POU6F2: variants seen among roughly 807,000 people sequenced by gnomAD.
The protein encoded by POU6F2 is POU domain, class 6, transcription factor 2.
POU6F2 carries 31 observed loss-of-function variants against 71.3 expected under a neutral mutation model. The ratio of observed to expected loss-of-function variants is 0.43; its 90% CI spans 0.33 to 0.59. The LOEUF is 0.59. Ranked by LOEUF, POU6F2 falls within the 20% of genes least tolerant of loss-of-function variation. The pLI is 0.04. For synonymous variants in POU6F2, 347 were observed against 355.7 expected (o/e 0.98, Z 0.27); for missense variants, 783 against 856.8 (o/e 0.91, Z 1.07).
At chr7:39,066,630 T>A (rs76828386) in intron 1 of POU6F2, among the ~76,000 whole-genome samples, 5,157 of 151,404 alleles carry the variant, frequency 0.034, 131 homozygotes, top group Middle Eastern at 0.073. Context: ...AATGACAACA[T>A]CTTCCTGATA....
intron 5 of POU6F2, among the ~76,000 whole-genome samples, chr7:39,349,239 A>G (rs915445148): frequency 1.3e-5 from 2 of 152,240 alleles, no homozygotes; most frequent in African/African-American, 4.8e-5. Context: ...AAATCACTTC[A>G]TAAAATACCT....
chr7:39,030,537 T>TA (rs1789916485), intron 1 of POU6F2, among the ~76,000 whole-genome samples: 1 of 128,530 alleles, frequency 7.8e-6, no homozygotes, highest in African/African-American at 2.9e-5. Context: ...TATATATATA[T>TA]ATATATACAC....
intron 2 of POU6F2, among the ~76,000 whole-genome samples, chr7:39,147,039 G>A (rs1281861624): frequency 6.6e-6 from 1 of 152,048 alleles, no homozygotes; most frequent in Non-Finnish European, 1.5e-5. Context: ...ATGTGAATTT[G>A]CATATACACA....
At chr7:39,275,202 G>A (rs1784413724) in intron 4 of POU6F2, among the ~76,000 whole-genome samples, 1 of 152,162 alleles carries the variant, frequency 6.6e-6, no homozygotes, top group African/African-American at 2.4e-5. Flanking sequence ...CTTCAGCAAA[G>A]TCTCAGGATA....
chr7:39,065,090 T>C (rs1410690368), intron 1 of POU6F2, among the ~76,000 whole-genome samples: 1 of 151,822 alleles, frequency 6.6e-6, no homozygotes, highest in Non-Finnish European at 1.5e-5. Context: ...GGCTCCCTTA[T>C]AAACATAGAA....
At chr7:39,145,991 C>G (rs1792614570) in intron 2 of POU6F2, among the ~76,000 whole-genome samples, 1 of 152,266 alleles carries the variant, frequency 6.6e-6, no homozygotes, top group East Asian at 1.9e-4. Context: ...CTATTGAGTG[C>G]CTGCTATGTG....
chr7:39,302,663 T>C (rs1463335757), intron 4 of POU6F2, among the ~76,000 whole-genome samples: 2 of 152,152 alleles, frequency 1.3e-5, no homozygotes, highest in Non-Finnish European at 2.9e-5. Flanking sequence ...AAAGAAACAA[T>C]CAATGAGAGC....
chr7:39,422,603 G>A (rs1159750233), intron 6 of POU6F2, among the ~76,000 whole-genome samples: 1 of 152,214 alleles, frequency 6.6e-6, no homozygotes, highest in African/African-American at 2.4e-5. Flanking sequence ...CCTTGTGATG[G>A]ACTAAAGATG....
At chr7:39,286,939 CTTTT>C (rs57938154) in intron 4 of POU6F2, among the ~76,000 whole-genome samples, 117 of 146,548 alleles carry the variant, frequency 8.0e-4, no homozygotes, top group Middle Eastern at 3.6e-3. Flanking sequence ...TTTGAGGTAT[CTTTT>C]TTTTTTTTTT....
At chr7:39,273,544 A>G (rs1784377055) in intron 4 of POU6F2, among the ~76,000 whole-genome samples, 2 of 152,218 alleles carry the variant, frequency 1.3e-5, no homozygotes, top group Non-Finnish European at 2.9e-5. Flanking sequence ...AAGACTGGGA[A>G]ACTATCACAG....
chr7:39,210,701 CT>C (rs2128746553), intron 4 of POU6F2, among the ~76,000 whole-genome samples: 1 of 152,260 alleles, frequency 6.6e-6, no homozygotes, highest in East Asian at 1.9e-4. Context: ...TCAATGTCTC[CT>C]GGGAGCTTGC....
At chr7:39,233,817 C>G (rs140876343) in intron 4 of POU6F2, among the ~76,000 whole-genome samples, 2 of 152,128 alleles carry the variant, frequency 1.3e-5, no homozygotes, top group African/African-American at 2.4e-5. Flanking sequence ...GTGTAAAACC[C>G]GGTCACTTTA....
At chr7:39,299,319 A>G (rs1227959579) in intron 4 of POU6F2, among the ~76,000 whole-genome samples, 3 of 152,200 alleles carry the variant, frequency 2.0e-5, no homozygotes, top group African/African-American at 7.2e-5. Context: ...TTGAATAACC[A>G]GACAGTCTTA....
chr7:39,326,554 A>C (rs139382624), intron 4 of POU6F2, among the ~76,000 whole-genome samples: 1 of 152,250 alleles, frequency 6.6e-6, no homozygotes, highest in African/African-American at 2.4e-5. Context: ...TGTAGAATCT[A>C]TCCACCAGAA....
At chr7:39,236,138 A>G (rs1292782165) in intron 4 of POU6F2, among the ~76,000 whole-genome samples, 2 of 152,196 alleles carry the variant, frequency 1.3e-5, no homozygotes, top group Admixed American at 1.3e-4. Flanking sequence ...GAGGACTCAA[A>G]GGTAAGACTC....
At chr7:39,129,583 A>AT (rs1199815992) in intron 2 of POU6F2, among the ~76,000 whole-genome samples, 1 of 151,538 alleles carries the variant, frequency 6.6e-6, no homozygotes, top group Non-Finnish European at 1.5e-5. Context: ...ACTGGTAACA[A>AT]TTTTTTTTCA....
Position 39,464,759 on chromosome 7 carries a change from A to C in POU6F2, c.*73A>C. On this transcript the variant is annotated 3_prime_UTR_variant, in exon 10 of 10. Transcript: ENST00000518318. This position sits in a 1 kb window ranked among gnomAD's most constrained non-coding sequence, Gnocchi z 4.1. ...CCACCCTTGGGACTCCACAACAACA[A>C]CAACAACAAAATTTAATTTAATTTA... 1 of 1,429,026 alleles carries C rather than the reference A, an allele frequency of 7.0e-7. No homozygotes were observed. Among genetic ancestry groups the C allele is most frequent in the Non-Finnish European group, 9.3e-7 (1 of 1,077,892 alleles). 88.5% of individuals were successfully genotyped at this position (1,429,026 alleles called of 1,614,324 possible).
At chr7:39,093,576 C>G (rs575393521) in intron 2 of POU6F2, among the ~76,000 whole-genome samples, 4 of 151,958 alleles carry the variant, frequency 2.6e-5, no homozygotes, top group Non-Finnish European at 5.9e-5. Context: ...TCATCTTTTC[C>G]TGTAAAATAA....
intron 4 of POU6F2, among the ~76,000 whole-genome samples, chr7:39,292,810 G>A (rs138956177): frequency 3.3e-5 from 5 of 152,212 alleles, no homozygotes; most frequent in Non-Finnish European, 5.9e-5. Flanking sequence ...CTGGATCACT[G>A]GGAACGTTAA....
Sources: allele counts gnomAD v4.1 joint callset (sites outside exome capture counted in the v4.1 genomes callset), GRCh38; gene constraint gnomAD v4.1.1; non-coding constraint Gnocchi (gnomAD v3.1); transcripts MANE v1.5; gene names NCBI Gene and HGNC (gene_info 2026-07-23, HGNC 2026-07-21).